SV2C: variants seen among roughly 807,000 people sequenced by gnomAD.
SV2C encodes the protein synaptic vesicle glycoprotein 2C, also known as solute carrier family 22 member B3.
A neutral mutation model predicts 79.7 loss-of-function variants in SV2C; 49 were observed. That is an observed-to-expected ratio of 0.61 (90% CI 0.49 to 0.78). SV2C has a LOEUF of 0.78. Ranked by LOEUF, SV2C falls within the 30% of genes least tolerant of loss-of-function variation. The pLI is 0.00. For missense variants in SV2C, 833 were observed against 912.9 expected, an observed-to-expected ratio of 0.91 and a Z score of 1.13; for synonymous variants, 334 against 333.2, an observed-to-expected ratio of 1.00 and a Z score of -0.03.
At chr5:76,021,846 T>C in the SV2C span, among the ~76,000 whole-genome samples, 5 of 152,190 alleles carry the variant, frequency 3.3e-5, no homozygotes, top group Non-Finnish European at 7.4e-5. Context: ...TGAGTCACTA[T>C]GGAAGCTTTT....
chr5:75,967,833 C>T, the SV2C span, among the ~76,000 whole-genome samples: 1 of 152,128 alleles, frequency 6.6e-6, no homozygotes, highest in Non-Finnish European at 1.5e-5. Context: ...GTGGTTCTCC[C>T]AGCACGCAGC....
intron 4 of SV2C, among the ~76,000 whole-genome samples, chr5:76,231,169 C>G (rs1456349002): frequency 2.0e-5 from 3 of 152,164 alleles, no homozygotes; most frequent in Admixed American, 6.5e-5. Flanking sequence ...CTTCAAAGAC[C>G]TAAGTGTTAC....
chr5:76,343,457 T>C (rs1168496772), intron 12 of SV2C, among the ~76,000 whole-genome samples: 2 of 152,100 alleles, frequency 1.3e-5, no homozygotes, highest in African/African-American at 4.8e-5. Context: ...ATTTAACATA[T>C]GAAAAGGTGC....
chr5:75,913,939 A>C, the SV2C span, among the ~76,000 whole-genome samples: 487 of 152,092 alleles, frequency 3.2e-3, 2 homozygotes, highest in Middle Eastern at 0.01. Flanking sequence ...TCAGAAATCA[A>C]ATAGGCCATA....
the SV2C span, among the ~76,000 whole-genome samples, chr5:75,939,537 G>A: frequency 1.3e-5 from 2 of 151,948 alleles, no homozygotes; most frequent in African/African-American, 4.8e-5. Flanking sequence ...TTTTTTGCGG[G>A]GTAGGGGGAC....
chr5:76,066,291 C>A, the SV2C span, among the ~76,000 whole-genome samples: 2 of 151,948 alleles, frequency 1.3e-5, no homozygotes, highest in Admixed American at 1.3e-4. Context: ...AGCTTATGTC[C>A]TTTGTAGGGA....
intron 9 of SV2C, 86 bp downstream of exon 9, chr5:76,296,028 G>A (rs1208168670): frequency 7.6e-7 from 1 of 1,312,824 alleles, no homozygotes. Flanking sequence ...AACAGGCATA[G>A]TTTTTTGTTT....
At chr5:76,018,617 C>T in the SV2C span, among the ~76,000 whole-genome samples, 67 of 152,058 alleles carry the variant, frequency 4.4e-4, no homozygotes, top group South Asian at 1.5e-3. Context: ...ATTTTTCAGG[C>T]CAATAGTTGA....
the SV2C span, among the ~76,000 whole-genome samples, chr5:75,969,153 C>T: frequency 1.1e-4 from 17 of 152,144 alleles, no homozygotes; most frequent in Non-Finnish European, 2.2e-4. Context: ...CCAGGCCTGC[C>T]CTAAAAAAGC....
chr5:75,862,508 T>C, the SV2C span, among the ~76,000 whole-genome samples: 7 of 152,348 alleles, frequency 4.6e-5, no homozygotes, highest in Non-Finnish European at 8.8e-5. Flanking sequence ...CTTTAGCCTA[T>C]TAAGGCAGGG....
the SV2C span, among the ~76,000 whole-genome samples, chr5:75,908,353 G>A: frequency 3.3e-5 from 5 of 152,258 alleles, no homozygotes; most frequent in South Asian, 6.2e-4. Context: ...CACTTAGCAC[G>A]TATTTTCAAG....
At chr5:76,115,149 C>T (rs1169940848) in intron 1 of SV2C, among the ~76,000 whole-genome samples, 1 of 152,142 alleles carries the variant, frequency 6.6e-6, no homozygotes, top group African/African-American at 2.4e-5. Flanking sequence ...TGTAGAGTTT[C>T]TGTATAAATT....
chr5:75,945,477 AATTATT>A, the SV2C span, among the ~76,000 whole-genome samples: 7 of 151,454 alleles, frequency 4.6e-5, no homozygotes, highest in Non-Finnish European at 1.0e-4. Flanking sequence ...ACACCAAGCT[AATTATT>A]ATTATTATTT....
intron 12 of SV2C, among the ~76,000 whole-genome samples, chr5:76,303,274 G>T (rs1248448577): frequency 2.0e-5 from 3 of 152,176 alleles, no homozygotes; most frequent in African/African-American, 7.2e-5. Flanking sequence ...ACGAGGTCCT[G>T]CCAGAGTTGG....
intron 2 of SV2C, chr5:76,174,318 T>C (rs1488257812): frequency 7.4e-6 from 6 of 807,816 alleles, no homozygotes; most frequent in Non-Finnish European, 1.2e-5. Flanking sequence ...GCCGCGCCGC[T>C]CCGGCTGGTT....
At chr5:76,033,922 C>A in the SV2C span, among the ~76,000 whole-genome samples, 1,205 of 151,922 alleles carry the variant, frequency 7.9e-3, 24 homozygotes, top group African/African-American at 0.028. Flanking sequence ...CTTTTATTTC[C>A]TTGAGCAGTG....
At chr5:76,178,213 A>G (rs1743601821) in intron 2 of SV2C, among the ~76,000 whole-genome samples, 2 of 152,294 alleles carry the variant, frequency 1.3e-5, no homozygotes, top group South Asian at 4.1e-4. Flanking sequence ...GTCACATAGC[A>G]TCACTTCTGT....
intron 4 of SV2C, among the ~76,000 whole-genome samples, chr5:76,254,976 C>T (rs938166216): frequency 5.9e-5 from 9 of 152,130 alleles, no homozygotes; most frequent in Non-Finnish European, 1.0e-4. Flanking sequence ...CCTCTCTCCA[C>T]CCCACCCCCA....
At chr5:76,321,244 G>A (rs1748819215) in intron 12 of SV2C, among the ~76,000 whole-genome samples, 1 of 151,898 alleles carries the variant, frequency 6.6e-6, no homozygotes, top group Admixed American at 6.6e-5. Context: ...AACAAAGAAA[G>A]ATGTGTGCTA....
Sources: gnomAD v4.1 joint callset for allele counts (sites outside exome capture counted in the v4.1 genomes callset) on GRCh38, gnomAD v4.1.1 for gene constraint, MANE v1.5 for transcripts, NCBI Gene and HGNC (gene_info 2026-07-23, HGNC 2026-07-21) for gene names.